Variants in ATAD2 observed in about 807,000 individuals in gnomAD.
The protein encoded by ATAD2 is ATPase family AAA domain containing 2.
Under a neutral mutation model 168.9 loss-of-function variants are expected in ATAD2, and 62 were observed. That is an observed-to-expected ratio of 0.37 (90% confidence interval 0.30 to 0.45). The LOEUF is 0.45. ATAD2 is among the 20% of genes least tolerant of loss of function. ATAD2 has a pLI of 1.00. For synonymous variants in ATAD2, 613 were observed against 571.6 expected, an observed-to-expected ratio of 1.07 and a Z score of -1.03; for missense variants, 1,419 against 1,667.8, an observed-to-expected ratio of 0.85 and a Z score of 2.60.
At chr8:123,395,898 G>A (rs986443116) in intron 1 of ATAD2, among the ~76,000 whole-genome samples, 1 of 152,212 alleles carries the variant, frequency 6.6e-6, no homozygotes, top group Non-Finnish European at 1.5e-5. Context: ...CGGCCGAACA[G>A]CCGCGGCTTG....
upstream of ATAD2, among the ~76,000 whole-genome samples, chr8:123,397,120 C>G (rs1422041911): frequency 6.6e-6 from 1 of 151,506 alleles, no homozygotes; most frequent in African/African-American, 2.4e-5. Flanking sequence ...CACCTCCCTG[C>G]ATTCTAATTT....
At chr8:123,332,498 A>G (rs1312707033) in intron 24 of ATAD2, among the ~76,000 whole-genome samples, 1 of 152,232 alleles carries the variant, frequency 6.6e-6, no homozygotes, top group African/African-American at 2.4e-5. Flanking sequence ...CTTCATACAT[A>G]TATAAAAATT....
At chr8:123,401,101 A>G (rs1812990070), upstream of ATAD2, 7 of 1,504,316 alleles carry the variant, frequency 4.7e-6, no homozygotes, top group Admixed American at 1.2e-4. Context: ...CACCCTCCTC[A>G]GTGAGGTGAT....
chr8:123,395,891 C>T (rs1812802373), intron 1 of ATAD2, among the ~76,000 whole-genome samples: 1 of 152,174 alleles, frequency 6.6e-6, no homozygotes, highest in South Asian at 2.1e-4. Context: ...GTGCGGGCGG[C>T]CGAACAGCCG....
chr8:123,394,763 A>G (rs1812751747), intron 1 of ATAD2, among the ~76,000 whole-genome samples: 1 of 152,250 alleles, frequency 6.6e-6, no homozygotes, highest in Non-Finnish European at 1.5e-5. Flanking sequence ...TTTTCTGAAC[A>G]CAGGTTAAGT....
At chr8:123,389,976 ATATATATATTT>A (rs1337432812) in intron 1 of ATAD2, among the ~76,000 whole-genome samples, 8 of 121,280 alleles carry the variant, frequency 6.6e-5, no homozygotes, top group African/African-American at 2.6e-4. Flanking sequence ...ATATATATAT[ATATATATATTT>A]TTTTTTTTTT....
chr8:123,337,077 G>T (rs544947185), intron 21 of ATAD2, among the ~76,000 whole-genome samples: 4 of 150,282 alleles, frequency 2.7e-5, no homozygotes, highest in Non-Finnish European at 1.5e-5. Flanking sequence ...AAAAAAAAAG[G>T]GGGGGCCGAG....
At chr8:123,385,584 C>T (rs1829623854) in intron 1 of ATAD2, among the ~76,000 whole-genome samples, 1 of 151,964 alleles carries the variant, frequency 6.6e-6, no homozygotes, top group South Asian at 2.1e-4. Context: ...GAGAAAACAG[C>T]ATTGGATTTG....
intron 1 of ATAD2, among the ~76,000 whole-genome samples, chr8:123,388,322 G>A (rs547516088): frequency 5.7e-4 from 87 of 152,198 alleles, no homozygotes; most frequent in African/African-American, 1.8e-3. Context: ...CAGCCTCCCC[G>A]GTAGTAGCTG....
chr8:123,324,710 AGT>A (rs1416681733), intron 26 of ATAD2, among the ~76,000 whole-genome samples: 2 of 152,258 alleles, frequency 1.3e-5, no homozygotes, highest in Non-Finnish European at 2.9e-5. Context: ...TATAGTGTCA[AGT>A]GTTACAGATA....
Position 123,321,134 on chromosome 8 carries a change from T to A in ATAD2, c.4173A>T (p.Ter1391CysextTer1). 2.5e-6 allele frequency: 4 copies of A among 1,608,664 alleles called. No homozygotes were observed. Among genetic ancestry groups the A allele is most frequent in the Non-Finnish European group, 3.4e-6 (4 of 1,178,598 alleles). The stretch of plus-strand genomic sequence containing the variant: ...AAGAATACTCGATACCATGACATCA[T>A]CATCTGGAACAACTGAAGTTTTCTA... ...QEVENFSCSR[*>C] The change falls in exon 28 of 28, where the codon TGA (stop) becomes TGT (cysteine). Residue 1391 changes from the stop codon to cysteine, a stop_lost. Coordinates refer to ENST00000287394, the MANE Select transcript of ATAD2 (RefSeq NM_014109.4).
At chr8:123,403,529 T>G (rs1813034217) in intron 1 of ATAD2, among the ~76,000 whole-genome samples, 1 of 151,848 alleles carries the variant, frequency 6.6e-6, no homozygotes, top group Non-Finnish European at 1.5e-5. Context: ...CTCGAACTCC[T>G]GGATTCAACC....
In ATAD2 at chr8:123,361,651, A is replaced by C; in HGVS notation, c.1050-5T>G. On this transcript the variant is annotated splice_region_variant and splice_polypyrimidine_tract_variant and intron_variant, in intron 8 of 27. Coordinates refer to ENST00000287394, the MANE Select transcript of ATAD2 (RefSeq NM_014109.4). ...CTGTGGATTGCATGCCTTCGCCTAAAGTAAAAAACAAAATTGAAATCATGA... is the reference window on the plus strand; with the variant it reads ...CTGTGGATTGCATGCCTTCGCCTAACGTAAAAAACAAAATTGAAATCATGA... 2 of 1,594,904 alleles carry C rather than the reference A, an allele frequency of 1.3e-6. No homozygotes were observed. Among genetic ancestry groups the C allele is most frequent in the Non-Finnish European group, 8.6e-7 (1 of 1,164,336 alleles).
chr8:123,321,987 C>CTTTTTTTTTTTTTTTTTTTT (rs869048943), intron 27 of ATAD2, among the ~76,000 whole-genome samples: 16 of 136,486 alleles, frequency 1.2e-4, no homozygotes, highest in African/African-American at 4.3e-4. Flanking sequence ...GTACATAAGT[C>CTTTTTTTTTTTTTTTTTTTT]TTTTTTTTTT....
At chr8:123,358,636 G>A (rs377645507) in intron 11 of ATAD2, among the ~76,000 whole-genome samples, 3 of 151,578 alleles carry the variant, frequency 2.0e-5, no homozygotes, top group East Asian at 1.9e-4. Flanking sequence ...ATAAGCCATC[G>A]TGCCTGGCCA....
At chr8:123,398,694 G>A (rs768814402), upstream of ATAD2, among the ~76,000 whole-genome samples, 3 of 151,186 alleles carry the variant, frequency 2.0e-5, no homozygotes, top group East Asian at 2.0e-4. Context: ...TTTTAGAGAC[G>A]GGGTCTCACT....
chr8:123,406,743 G>A (rs1813072422), intron 1 of ATAD2, among the ~76,000 whole-genome samples: 1 of 151,222 alleles, frequency 6.6e-6, no homozygotes, highest in Admixed American at 6.6e-5. Context: ...CTTGAGCCTG[G>A]GAGGTGGAGG....
chr8:123,405,952 T>C (rs1813063258), intron 1 of ATAD2, among the ~76,000 whole-genome samples: 1 of 152,184 alleles, frequency 6.6e-6, no homozygotes. Flanking sequence ...GATGCAATAA[T>C]ATGAATAAAT....
intron 1 of ATAD2, among the ~76,000 whole-genome samples, chr8:123,384,372 A>AT (rs990743190): frequency 1.3e-5 from 2 of 152,164 alleles, no homozygotes; most frequent in Non-Finnish European, 1.5e-5. Flanking sequence ...CACAGTCTTG[A>AT]TTTTTTGTTT....
Sources: gnomAD v4.1 joint callset for allele counts (sites outside exome capture counted in the v4.1 genomes callset) on GRCh38, gnomAD v4.1.1 for gene constraint, MANE v1.5 for transcripts, NCBI Gene and HGNC (gene_info 2026-07-23, HGNC 2026-07-21) for gene names.